The following SARNP variants were observed in gnomAD, a reference collection of about 807,000 sequenced individuals.
SARNP encodes SAP domain containing ribonucleoprotein.
A neutral mutation model predicts 38.1 loss-of-function variants in SARNP; 5 were observed. That is an observed-to-expected ratio of 0.13 (90% CI 0.07 to 0.28). The LOEUF (loss-of-function observed/expected upper bound fraction) is 0.28. Ranked by LOEUF, SARNP falls within the 10% of genes least tolerant of loss-of-function variation. SARNP has a pLI of 1.00. For missense variants in SARNP, 180 were observed against 243.9 expected, an observed-to-expected ratio of 0.74 and a Z score of 1.75; for synonymous variants, 84 against 80.6, an observed-to-expected ratio of 1.04 and a Z score of -0.23.
chr12:55,781,209 T>C (rs57923210), intron 9 of SARNP, among the ~76,000 whole-genome samples: 2 of 152,188 alleles, frequency 1.3e-5, no homozygotes. Flanking sequence ...CTATCTGTAC[T>C]TTGAATTGAC....
At chr12:55,801,922 A>T (rs1256491651) in intron 2 of SARNP, among the ~76,000 whole-genome samples, 2 of 152,194 alleles carry the variant, frequency 1.3e-5, no homozygotes, top group Non-Finnish European at 2.9e-5. Flanking sequence ...CAGCCAAAGA[A>T]GATATTTGTG....
chr12:55,802,521 G>A (rs1053735333), intron 2 of SARNP, among the ~76,000 whole-genome samples: 2 of 151,790 alleles, frequency 1.3e-5, no homozygotes, highest in South Asian at 2.1e-4. Context: ...TTTGTTTCAT[G>A]TACAAAATTA....
chr12:55,800,747 G>A (rs1312908754), intron 3 of SARNP, 107 bp downstream of exon 3: 1 of 1,271,900 alleles, frequency 7.9e-7, no homozygotes, highest in African/African-American at 1.5e-5. Context: ...CCCATCTTAT[G>A]CTCCCCTAAT....
chr12:55,773,638 A>AT (rs772697714), intron 9 of SARNP, among the ~76,000 whole-genome samples: 1 of 152,184 alleles, frequency 6.6e-6, no homozygotes, highest in Non-Finnish European at 1.5e-5. Flanking sequence ...ACACAAAGGC[A>AT]TTTTTTCCTA....
At chr12:55,817,125 G>A (rs181094806) in intron 1 of SARNP, among the ~76,000 whole-genome samples, 1 of 152,310 alleles carries the variant, frequency 6.6e-6, no homozygotes, top group East Asian at 1.9e-4. Flanking sequence ...GATCTTCTGA[G>A]AGGCCTCTCC....
chr12:55,798,198 A>G (rs1764287678), intron 4 of SARNP, among the ~76,000 whole-genome samples: 1 of 152,120 alleles, frequency 6.6e-6, no homozygotes, highest in Admixed American at 6.6e-5. Context: ...GATAGGCTGG[A>G]AAGTAGTATT....
At chr12:55,784,290 G>A (rs1053889366) in intron 9 of SARNP, among the ~76,000 whole-genome samples, 2 of 152,098 alleles carry the variant, frequency 1.3e-5, no homozygotes, top group African/African-American at 4.8e-5. Flanking sequence ...AGGATGAAGT[G>A]GACAAAAGTA....
At chr12:55,811,890 C>A (rs1435436019) in intron 1 of SARNP, among the ~76,000 whole-genome samples, 1 of 152,160 alleles carries the variant, frequency 6.6e-6, no homozygotes, top group Non-Finnish European at 1.5e-5. Context: ...CCCTTCTCAC[C>A]ACGGCAAATG....
At chr12:55,802,963 G>A (rs1482026684) in intron 2 of SARNP, among the ~76,000 whole-genome samples, 4 of 143,686 alleles carry the variant, frequency 2.8e-5, no homozygotes, top group Admixed American at 2.1e-4. Context: ...AAAAAAATGA[G>A]AAATAAAGCA....
intron 6 of SARNP, 105 bp downstream of exon 6, chr12:55,794,702 G>T: frequency 1.4e-6 from 1 of 719,050 alleles, no homozygotes; most frequent in Non-Finnish European, 2.4e-6. Context: ...CCTTCAGCAA[G>T]CCTCTATTCT....
chr12:55,771,535 T>C (rs896859617), intron 9 of SARNP, among the ~76,000 whole-genome samples: 1 of 152,100 alleles, frequency 6.6e-6, no homozygotes, highest in African/African-American at 2.4e-5. Flanking sequence ...GAAATTCCAA[T>C]CTAAAGAGTC....
intron 1 of SARNP, among the ~76,000 whole-genome samples, chr12:55,817,375 C>A (rs1195396985): frequency 3.3e-5 from 5 of 152,112 alleles, no homozygotes; most frequent in Non-Finnish European, 7.3e-5. Flanking sequence ...TGAAAAGCAA[C>A]GAAGAGTATA....
At chr12:55,793,863 C>T (rs1176726573) in intron 7 of SARNP, 1 of 155,046 alleles carries the variant, frequency 6.4e-6, no homozygotes, top group African/African-American at 2.4e-5. Flanking sequence ...ATAACTAATT[C>T]TCTGTTGTAC....
chr12:55,803,564 T>C lies in SARNP; in HGVS notation c.136+65A>G, dbSNP rs995616053. ...AATGACCTGAAAAAAAAAAAAGAAA[T>C]CTTTTCAGTGTCAAAGCCTGAAAAT... On this transcript the variant is annotated intron_variant, in intron 2 of 10. Coordinates refer to ENST00000336133, the MANE Select transcript of SARNP (RefSeq NM_033082.4). 2.3e-5 allele frequency: 20 copies of C among 878,722 alleles called. No homozygotes were observed. The African/African-American group carries it at 3.3e-4, about 14-fold the overall frequency. The allele number at this position is 878,722 out of a possible 1,614,324, so 54.4% of individuals were successfully genotyped here.
intron 9 of SARNP, among the ~76,000 whole-genome samples, chr12:55,773,135 T>C (rs1879062118): frequency 6.6e-6 from 1 of 152,168 alleles, no homozygotes; most frequent in South Asian, 2.1e-4. Context: ...CAGATTATTT[T>C]CATCTAAAGT....
chr12:55,774,155 AC>A (rs1485493009), intron 9 of SARNP, among the ~76,000 whole-genome samples: 1 of 151,594 alleles, frequency 6.6e-6, no homozygotes, highest in Non-Finnish European at 1.5e-5. Context: ...CAGGCATGCC[AC>A]CCCACCCAGC....
intron 9 of SARNP, among the ~76,000 whole-genome samples, chr12:55,763,342 C>T (rs1032508125): frequency 2.0e-5 from 3 of 150,392 alleles, no homozygotes; most frequent in Non-Finnish European, 4.4e-5. Flanking sequence ...GACAGAGTCT[C>T]GCTCTGTCGC....
chr12:55,799,030 GA>G (rs1260733218), intron 4 of SARNP, among the ~76,000 whole-genome samples: 1 of 151,686 alleles, frequency 6.6e-6, no homozygotes, highest in Admixed American at 6.6e-5. Flanking sequence ...TTCCAGATGT[GA>G]AAAAAAATCA....
downstream of SARNP, chr12:55,754,821 C>G (rs1161972883): frequency 6.6e-6 from 1 of 152,222 alleles, no homozygotes. Context: ...GAATGATTAT[C>G]TGCGCAGGGT....
Sources: allele counts gnomAD v4.1 joint callset (sites outside exome capture counted in the v4.1 genomes callset), GRCh38; gene constraint gnomAD v4.1.1; transcripts MANE v1.5; gene names NCBI Gene and HGNC (gene_info 2026-07-23, HGNC 2026-07-21).